EPHA5: variants seen among roughly 807,000 people sequenced by gnomAD.
EPHA5 encodes the protein ephrin type-A receptor 5.
In EPHA5, 60 loss-of-function variants were observed where a neutral mutation model predicts 105.0. That is an observed-to-expected ratio of 0.57 (90% confidence interval 0.46 to 0.71). The LOEUF (loss-of-function observed/expected upper bound fraction) is 0.71, where lower values mean the gene tolerates loss of function less well. Among genes scored for constraint, EPHA5 ranks in the 30% least tolerant of loss-of-function variants. The pLI is 0.00. For synonymous variants in EPHA5, 513 were observed against 449.1 expected (o/e 1.14, Z -1.80); for missense variants, 1,218 against 1,274.7 (o/e 0.96, Z 0.68).
intron 5 of EPHA5, among the ~76,000 whole-genome samples, chr4:65,457,466 C>T (rs1218824155): frequency 1.3e-5 from 2 of 152,120 alleles, no homozygotes; most frequent in African/African-American, 4.8e-5. Context: ...TCCTTTTCCC[C>T]TATTCTTCCA....
chr4:65,396,959 G>A, intron 8 of EPHA5, among the ~76,000 whole-genome samples: 1 of 152,146 alleles, frequency 6.6e-6, no homozygotes, highest in East Asian at 1.9e-4. Context: ...AAAGGGAGAG[G>A]CTCTAACAGC....
At chr4:65,515,951 A>G (rs1431013082) in intron 3 of EPHA5, among the ~76,000 whole-genome samples, 1 of 152,154 alleles carries the variant, frequency 6.6e-6, no homozygotes, top group East Asian at 1.9e-4. Flanking sequence ...CTGCCCTTGG[A>G]CATCAGAGCT....
At chr4:65,454,346 G>A (rs890683590) in intron 5 of EPHA5, among the ~76,000 whole-genome samples, 28 of 151,952 alleles carry the variant, frequency 1.8e-4, no homozygotes, top group African/African-American at 6.5e-4. Context: ...ATGGTCCTCA[G>A]CAAATATGGA....
At chr4:65,337,676 T>A (rs1721314237) in intron 14 of EPHA5, among the ~76,000 whole-genome samples, 1 of 152,048 alleles carries the variant, frequency 6.6e-6, no homozygotes, top group Non-Finnish European at 1.5e-5. Context: ...TTCTTTTATT[T>A]GAAGTGAGTA....
At chr4:65,490,064 T>C (rs1289585182) in intron 5 of EPHA5, among the ~76,000 whole-genome samples, 1 of 152,188 alleles carries the variant, frequency 6.6e-6, no homozygotes, top group African/African-American at 2.4e-5. Context: ...GTTGTAAAAA[T>C]GAATGCTATG....
At chr4:65,441,361 T>C (rs1001741717) in intron 5 of EPHA5, among the ~76,000 whole-genome samples, 1 of 152,078 alleles carries the variant, frequency 6.6e-6, no homozygotes, top group Non-Finnish European at 1.5e-5. Flanking sequence ...AGAAAAACAG[T>C]ATTTCCATAA....
At position 65,320,354 on chromosome 4, in the gene EPHA5, A is replaced by T; in HGVS notation, c.*3760T>A. On this transcript the variant is annotated 3_prime_UTR_variant, in exon 17 of 17. Coordinates refer to ENST00000613740, the MANE Select transcript of EPHA5 (RefSeq NM_001281766.3). Reference sequence around the variant, plus strand: ...CATCATCATCATCATCATCATCAGGATCATCATCATATTGTACCTACTTTT... The same window carrying T: ...CATCATCATCATCATCATCATCAGGTTCATCATCATATTGTACCTACTTTT... 1 of 230,352 alleles carries T rather than the reference A, an allele frequency of 4.3e-6. No individual in the cohort carries two copies. Among genetic ancestry groups the T allele is most frequent in the Non-Finnish European group, 8.6e-6 (1 of 116,200 alleles). The allele number at this position is 230,352 out of a possible 1,614,324, so 14.3% of individuals were successfully genotyped here. A position where few individuals can be genotyped will look rare whatever the true frequency, so the allele number is the denominator to read the frequency against.
intron 5 of EPHA5, among the ~76,000 whole-genome samples, chr4:65,468,443 T>A (rs1356041983): frequency 6.8e-6 from 1 of 147,348 alleles, no homozygotes; most frequent in Non-Finnish European, 1.5e-5. Flanking sequence ...TAAAATAAAC[T>A]GGAAAAATAG....
At chr4:65,508,823 TA>T (rs925227727) in intron 3 of EPHA5, among the ~76,000 whole-genome samples, 4 of 151,886 alleles carry the variant, frequency 2.6e-5, no homozygotes, top group South Asian at 2.1e-4. Context: ...AAAGAAGTGT[TA>T]AAAAAAACTA....
intron 3 of EPHA5, among the ~76,000 whole-genome samples, chr4:65,590,838 C>T (rs916340096): frequency 6.6e-6 from 1 of 152,094 alleles, no homozygotes; most frequent in African/African-American, 2.4e-5. Flanking sequence ...TGTAACAGTA[C>T]TTTTTATTCA....
chr4:65,541,925 G>A (rs551912125), intron 3 of EPHA5, among the ~76,000 whole-genome samples: 2 of 151,934 alleles, frequency 1.3e-5, no homozygotes, highest in Admixed American at 1.3e-4. Context: ...TTAGAGTTCA[G>A]GGTTAAGAAA....
intron 13 of EPHA5, among the ~76,000 whole-genome samples, chr4:65,348,815 A>ATATATTTTTT (rs71657404): frequency 5.5e-4 from 35 of 64,118 alleles, no homozygotes; most frequent in Non-Finnish European, 8.1e-4. Context: ...ATATATATAT[A>ATATATTTTTT]TTTTTTTTTT....
chr4:65,509,841 G>C (rs1333598180), intron 3 of EPHA5, among the ~76,000 whole-genome samples: 1 of 152,046 alleles, frequency 6.6e-6, no homozygotes, highest in Non-Finnish European at 1.5e-5. Context: ...CAGATGAAGT[G>C]AATAGTAAAT....
intron 1 of EPHA5, among the ~76,000 whole-genome samples, chr4:65,656,912 T>C (rs1270310437): frequency 6.6e-6 from 1 of 150,708 alleles, no homozygotes; most frequent in Admixed American, 6.7e-5. Flanking sequence ...ATATTTTGGA[T>C]ATATTTGATA....
intron 3 of EPHA5, among the ~76,000 whole-genome samples, chr4:65,594,663 C>T (rs894169432): frequency 6.6e-6 from 1 of 152,102 alleles, no homozygotes; most frequent in Non-Finnish European, 1.5e-5. Flanking sequence ...TCTTTTCTTT[C>T]ATTGCCAAGT....
intron 1 of EPHA5, among the ~76,000 whole-genome samples, chr4:65,656,589 A>T (rs1165031735): frequency 6.8e-6 from 1 of 146,906 alleles, no homozygotes; most frequent in African/African-American, 2.5e-5. Flanking sequence ...TATATATATT[A>T]TATATATATA....
intron 5 of EPHA5, among the ~76,000 whole-genome samples, chr4:65,437,881 A>C (rs1340804946): frequency 1.3e-5 from 2 of 151,994 alleles, no homozygotes; most frequent in Non-Finnish European, 2.9e-5. Context: ...AAATTTAAAA[A>C]ATCATGAATT....
At chr4:65,351,283 CT>C (rs1560441122) in intron 13 of EPHA5, 105 bp downstream of exon 13, 1 of 1,043,972 alleles carries the variant, frequency 9.6e-7, no homozygotes, top group Non-Finnish European at 1.4e-6. Flanking sequence ...CTCTCTCTTT[CT>C]TTTTGACTTT....
At chr4:65,515,099 C>T (rs190799338) in intron 3 of EPHA5, among the ~76,000 whole-genome samples, 1 of 152,276 alleles carries the variant, frequency 6.6e-6, no homozygotes, top group African/African-American at 2.4e-5. Context: ...CTTGTCAACT[C>T]TCCATGTTCC....
Sources: allele counts gnomAD v4.1 joint callset (sites outside exome capture counted in the v4.1 genomes callset), GRCh38; gene constraint gnomAD v4.1.1; transcripts MANE v1.5; gene names NCBI Gene and HGNC (gene_info 2026-07-23, HGNC 2026-07-21).